Variants in GRIN2A observed in about 807,000 individuals in gnomAD.
The protein encoded by GRIN2A is glutamate ionotropic receptor NMDA type subunit 2A.
GRIN2A carries 22 observed loss-of-function variants against 113.4 expected under a neutral mutation model. The ratio of observed to expected loss-of-function variants is 0.19; its 90% confidence interval spans 0.14 to 0.28. The LOEUF (loss-of-function observed/expected upper bound fraction) is 0.28. GRIN2A is among the 10% of genes least tolerant of loss of function. The pLI is 1.00. For synonymous variants in GRIN2A, 827 were observed against 738.4 expected, an observed-to-expected ratio of 1.12 and a Z score of -1.94; for missense variants, 1,502 against 1,887.0, an observed-to-expected ratio of 0.80 and a Z score of 3.78.
At chr16:10,129,107 G>A (rs540971183) in intron 2 of GRIN2A, among the ~76,000 whole-genome samples, 17 of 151,914 alleles carry the variant, frequency 1.1e-4, no homozygotes, top group Admixed American at 3.3e-4. Flanking sequence ...ACAGGGTCTC[G>A]CTCTGTTGCC....
chr16:10,136,285 T>A (rs534250256), intron 2 of GRIN2A, among the ~76,000 whole-genome samples: 2 of 152,136 alleles, frequency 1.3e-5, no homozygotes, highest in African/African-American at 4.8e-5. Flanking sequence ...TCATCCCACC[T>A]CTTCAACAGA....
chr16:10,161,617 T>G (rs1312567402), intron 2 of GRIN2A, among the ~76,000 whole-genome samples: 1 of 152,202 alleles, frequency 6.6e-6, no homozygotes, highest in Non-Finnish European at 1.5e-5. Flanking sequence ...TGTATTGGCT[T>G]CCTATTGCTG....
chr16:10,146,271 C>T (rs894259478), intron 2 of GRIN2A, among the ~76,000 whole-genome samples: 4 of 152,134 alleles, frequency 2.6e-5, no homozygotes, highest in African/African-American at 9.7e-5. Context: ...GCGTGTGCTA[C>T]CACGCCCGAC....
At position 10,180,816 on chromosome 16, in the gene GRIN2A, A is replaced by AC. The variant is rs1315615757; in HGVS notation, c.-18-388dup. 2 of 308,932 alleles carry AC rather than the reference A, an allele frequency of 6.5e-6. No individual in the cohort carries two copies. Among genetic ancestry groups the AC allele is most frequent in the African/African-American group, 4.3e-5 (2 of 46,534 alleles). 19.1% of individuals were successfully genotyped at this position (308,932 alleles called of 1,614,324 possible). The stretch of plus-strand genomic sequence containing the variant: ...CCAAGCTCCTAGGTGCACAGAATAA[A>AC]CCCTCCATCCAACCCCTCCCACCTG... On this transcript the variant is annotated intron_variant, in intron 1 of 12. Coordinates refer to ENST00000330684, the MANE Select transcript of GRIN2A (RefSeq NM_001134407.3). This position sits in a 1 kb window ranked among gnomAD's most constrained non-coding sequence, Gnocchi z 7.0.
At chr16:10,146,718 G>A (rs182641395) in intron 2 of GRIN2A, among the ~76,000 whole-genome samples, 33 of 152,160 alleles carry the variant, frequency 2.2e-4, no homozygotes, top group African/African-American at 7.2e-4. Context: ...CTCCTGGAGC[G>A]TCTGTAGACA....
rs143146028 is a variant in GRIN2A, at chr16:9,805,552, G to C, written c.2169-7088C>G. 2.6e-5 allele frequency: 4 copies of C among 152,314 alleles called. No individual in the cohort carries two copies. The East Asian group carries it at 7.7e-4, about 29-fold the overall frequency. The allele number at this position is 152,314 out of a possible 1,614,324, so 9.4% of individuals were successfully genotyped here. A position where few individuals can be genotyped will look rare whatever the true frequency, so the allele number is the denominator to read the frequency against. The stretch of plus-strand genomic sequence containing the variant: ...CAGTTGGCATGTTTGGGCAACTGTG[G>C]AACAGGGAACACAATTCAGATTTAT... On this transcript the variant is annotated intron_variant, in intron 10 of 12. Transcript: ENST00000330684.
At chr16:9,989,537 T>A (rs150966116) in intron 2 of GRIN2A, among the ~76,000 whole-genome samples, 2 of 151,938 alleles carry the variant, frequency 1.3e-5, no homozygotes, top group African/African-American at 4.8e-5. Context: ...AAATTGACAA[T>A]CGGAATCTAG....
At chr16:10,101,178 G>A (rs2048387287) in intron 2 of GRIN2A, among the ~76,000 whole-genome samples, 2 of 152,234 alleles carry the variant, frequency 1.3e-5, no homozygotes, top group Non-Finnish European at 1.5e-5. Context: ...GGTTGGCAGA[G>A]ACTGTCTGGT....
chr16:9,956,274 C>A (rs181338193), intron 2 of GRIN2A, among the ~76,000 whole-genome samples: 2 of 152,106 alleles, frequency 1.3e-5, no homozygotes, highest in Non-Finnish European at 2.9e-5. Flanking sequence ...AAATTTTAAA[C>A]CTCTACCTAT....
In GRIN2A at chr16:9,819,921, CAAAAAAAAAAAAAA is replaced by C. The variant is rs71157787; in HGVS notation, c.2168+2329_2168+2342del. ...GAGCAACAAGAGCGAAACTCCGTCTCAAAAAAAAAAAAAAAAAAAAAAAAAAAAGACTTGTACTC... is the reference window on the plus strand; with the variant it reads ...GAGCAACAAGAGCGAAACTCCGTCTCAAAAAAAAAAAAAAGACTTGTACTC... On this transcript the variant is annotated intron_variant, in intron 10 of 12. Coordinates refer to ENST00000330684, the MANE Select transcript of GRIN2A (RefSeq NM_001134407.3). Among the ~76,000 whole-genome samples, 289 of 63,692 alleles carry C rather than the reference CAAAAAAAAAAAAAA, an allele frequency of 4.5e-3. 2 individuals are homozygous for C. Among genetic ancestry groups the C allele is most frequent in the African/African-American group, 0.015 (273 of 18,094 alleles). The allele number at this position is 63,692 out of a possible 152,430, so 41.8% of individuals were successfully genotyped here. A position where few individuals can be genotyped will look rare whatever the true frequency, so the allele number is the denominator to read the frequency against.
At chr16:10,091,440 G>A (rs896554341) in intron 2 of GRIN2A, among the ~76,000 whole-genome samples, 18 of 143,008 alleles carry the variant, frequency 1.3e-4, no homozygotes, top group Admixed American at 1.1e-3. Context: ...TACCAAATAC[G>A]TATGTATGTG....
At chr16:10,128,112 C>T (rs927653391) in intron 2 of GRIN2A, among the ~76,000 whole-genome samples, 10 of 152,288 alleles carry the variant, frequency 6.6e-5, no homozygotes, top group African/African-American at 7.2e-5. Context: ...TATTTTCATC[C>T]ATTGTTGCTG....
intron 2 of GRIN2A, among the ~76,000 whole-genome samples, chr16:10,153,983 G>A (rs150258838): frequency 0.014 from 2,124 of 152,232 alleles, 50 homozygotes; most frequent in African/African-American, 0.049. Flanking sequence ...AGGTCTCTGT[G>A]CAAAAGTCCT....
chr16:9,765,863 G>A (rs1368572133), intron 12 of GRIN2A, among the ~76,000 whole-genome samples: 1 of 152,208 alleles, frequency 6.6e-6, no homozygotes, highest in East Asian at 1.9e-4. Flanking sequence ...GGAACTGAAT[G>A]ACTTAAGGGC....
intron 2 of GRIN2A, among the ~76,000 whole-genome samples, chr16:10,003,307 G>T (rs2046353281): frequency 1.3e-5 from 2 of 152,050 alleles, no homozygotes; most frequent in South Asian, 4.1e-4. Flanking sequence ...AAACCCATGT[G>T]GAAAGTGTTC....
intron 2 of GRIN2A, among the ~76,000 whole-genome samples, chr16:9,966,110 G>T (rs2045552183): frequency 6.6e-6 from 1 of 152,106 alleles, no homozygotes; most frequent in African/African-American, 2.4e-5. Context: ...ACGAGGGCAG[G>T]GTTCTCAACT....
chr16:9,838,614 T>C (rs1445858886), intron 7 of GRIN2A, among the ~76,000 whole-genome samples: 6 of 152,184 alleles, frequency 3.9e-5, no homozygotes, highest in African/African-American at 1.2e-4. Context: ...TAAAGGTTTA[T>C]GGGCTGATTT....
intron 10 of GRIN2A, among the ~76,000 whole-genome samples, chr16:9,802,552 ACAT>A (rs1303809335): frequency 2.0e-5 from 3 of 152,180 alleles, no homozygotes; most frequent in African/African-American, 4.8e-5. Flanking sequence ...CATTTCACAG[ACAT>A]CATCCCACTG....
chr16:9,812,432 A>C (rs1226836219), intron 10 of GRIN2A, among the ~76,000 whole-genome samples: 1 of 152,196 alleles, frequency 6.6e-6, no homozygotes, highest in East Asian at 1.9e-4. Context: ...TGAGGCCAGG[A>C]GTTCAAGACC....
Sources: gnomAD v4.1 joint callset for allele counts (sites outside exome capture counted in the v4.1 genomes callset) on GRCh38, gnomAD v4.1.1 for gene constraint, Gnocchi (gnomAD v3.1) non-coding constraint, MANE v1.5 for transcripts, NCBI Gene and HGNC (gene_info 2026-07-23, HGNC 2026-07-21) for gene names.